ERI1: variants seen among roughly 807,000 people sequenced by gnomAD.
ERI1 encodes the protein 3'-5' exoribonuclease 1.
In ERI1, 39 loss-of-function variants were observed where a neutral mutation model predicts 39.7. The ratio of observed to expected loss-of-function variants is 0.98; its 90% CI spans 0.76 to 1.28. The LOEUF is 1.28. ERI1 is among the 50% of genes most tolerant of loss of function. ERI1 has a pLI of 0.00. For synonymous variants in ERI1, 204 were observed against 149.6 expected (o/e 1.36, Z -2.65); for missense variants, 581 against 416.9 (o/e 1.39, Z -3.43).
chr8:9,021,959 A>G (rs1817955144), intron 6 of ERI1, among the ~76,000 whole-genome samples: 1 of 151,886 alleles, frequency 6.6e-6, no homozygotes, highest in Non-Finnish European at 1.5e-5. Flanking sequence ...TTTTATAAGC[A>G]TTGTTGTGCA....
At chr8:9,015,216 T>G (rs975522022) in intron 3 of ERI1, among the ~76,000 whole-genome samples, 1 of 152,194 alleles carries the variant, frequency 6.6e-6, no homozygotes, top group African/African-American at 2.4e-5. Context: ...CTTAATAGAT[T>G]AGTAGGTAGA....
At chr8:9,047,984 A>C (rs945774018) in intron 3 of ERI1, among the ~76,000 whole-genome samples, 3 of 152,220 alleles carry the variant, frequency 2.0e-5, no homozygotes, top group African/African-American at 7.2e-5. Flanking sequence ...CAGCTGAGGA[A>C]ATGAAAGTCA....
At chr8:9,078,749 C>T (rs1563092525) in intron 3 of ERI1, among the ~76,000 whole-genome samples, 1 of 152,190 alleles carries the variant, frequency 6.6e-6, no homozygotes, top group African/African-American at 2.4e-5. Context: ...TTTGTTACAA[C>T]AAAGCCTTCC....
intron 3 of ERI1, among the ~76,000 whole-genome samples, chr8:9,086,628 G>A (rs1379517453): frequency 1.3e-5 from 2 of 152,130 alleles, no homozygotes; most frequent in Non-Finnish European, 2.9e-5. Flanking sequence ...AAATAAGTAA[G>A]GATGTGTTCA....
rs560943532 is a variant in ERI1, at chr8:9,020,212, C to T, written c.693-138C>T. Reference sequence around the variant, plus strand: ...TTTTGAATTAGTATTTTGTAGGAAGCAAGGTTAATTTTCTCAGCTTGATGT... The same window carrying T: ...TTTTGAATTAGTATTTTGTAGGAAGTAAGGTTAATTTTCTCAGCTTGATGT... On this transcript the variant is annotated intron_variant, in intron 5 of 6. Transcript: ENST00000250263. 108 of 486,760 alleles carry T rather than the reference C, an allele frequency of 2.2e-4. No homozygotes were observed. The South Asian group carries it at 4.2e-3, about 19-fold the overall frequency. The allele number at this position is 486,760 out of a possible 1,614,324, so 30.2% of individuals were successfully genotyped here.
intron 2 of ERI1, chr8:9,009,130 G>C: frequency 2.2e-6 from 1 of 455,278 alleles, no homozygotes; most frequent in Non-Finnish European, 4.4e-6. Flanking sequence ...GGGAGCTAGC[G>C]ATCTAGATGT....
chr8:9,003,203 G>T (rs1182265198), intron 1 of ERI1, 32 bp downstream of exon 1: 2 of 1,212,144 alleles, frequency 1.6e-6, no homozygotes, highest in Non-Finnish European at 2.1e-6. Flanking sequence ...GGCTGTTGGC[G>T]CCAGCTGCCC....
chr8:9,039,028 CAG>C (rs1388677859), intron 3 of ERI1, among the ~76,000 whole-genome samples: 1 of 152,074 alleles, frequency 6.6e-6, no homozygotes, highest in Admixed American at 6.6e-5. Flanking sequence ...TTGTTGAAAA[CAG>C]AATTTTTGAA....
chr8:9,054,061 A>T (rs552743782), intron 3 of ERI1, among the ~76,000 whole-genome samples: 1 of 149,452 alleles, frequency 6.7e-6, no homozygotes, highest in Non-Finnish European at 1.5e-5. Context: ...ACATTCACAT[A>T]TGAAGTTGAC....
chr8:9,003,285 A>T, intron 1 of ERI1, 114 bp downstream of exon 1: 1 of 583,740 alleles, frequency 1.7e-6, no homozygotes, highest in Non-Finnish European at 2.5e-6. Flanking sequence ...GCGCCCTTGG[A>T]CCCCAGCCTC....
At chr8:9,072,838 C>T (rs1030648351) in intron 3 of ERI1, among the ~76,000 whole-genome samples, 1 of 152,172 alleles carries the variant, frequency 6.6e-6, no homozygotes, top group African/African-American at 2.4e-5. Flanking sequence ...GGGTCAGCAC[C>T]GAGTGTGCTC....
intron 3 of ERI1, among the ~76,000 whole-genome samples, chr8:9,098,454 G>A (rs963736125): frequency 6.6e-6 from 1 of 152,194 alleles, no homozygotes; most frequent in African/African-American, 2.4e-5. Flanking sequence ...GGACGCAGAG[G>A]TTGCAGTGAG....
chr8:9,048,443 A>T (rs1220265740), intron 3 of ERI1: 1 of 154,396 alleles, frequency 6.5e-6, no homozygotes, highest in East Asian at 1.9e-4. Flanking sequence ...AAAGACAGCC[A>T]AACTCCTTCT....
chr8:9,094,442 C>T (rs141388043), intron 3 of ERI1, among the ~76,000 whole-genome samples: 8 of 152,186 alleles, frequency 5.3e-5, no homozygotes, highest in Non-Finnish European at 1.2e-4. Flanking sequence ...TTTCAATCCA[C>T]GTACCTCTTT....
intron 3 of ERI1, among the ~76,000 whole-genome samples, chr8:9,079,598 C>G (rs1799310965): frequency 6.6e-6 from 1 of 152,134 alleles, no homozygotes; most frequent in Non-Finnish European, 1.5e-5. Flanking sequence ...AATAGTTTAG[C>G]CGAAGTGAGG....
chr8:9,037,330 G>T (rs964662490), downstream of ERI1, among the ~76,000 whole-genome samples: 1 of 152,174 alleles, frequency 6.6e-6, no homozygotes, highest in Non-Finnish European at 1.5e-5. Context: ...TAGCCCATCA[G>T]TCTTATTCTC....
In ERI1 at chr8:9,073,276, G is replaced by A. The variant is rs183322920; in HGVS notation, n.300-43072G>A. ...CATAGTAGCATTAATCTGTCACATC[G>A]TCCCGAACATGCAAGACACTATTTG... On this transcript the variant is annotated intron_variant and non_coding_transcript_variant, in intron 3 of 3. Transcript: ENST00000518663. Among the ~76,000 whole-genome samples, 424 of 152,296 alleles carry A rather than the reference G, an allele frequency of 2.8e-3. 1 individual carries two copies. The highest frequency in any genetic ancestry group is 9.7e-3 in the African/African-American group (403 of 41,566).
At chr8:9,014,945 A>T (rs1039615914) in intron 3 of ERI1, among the ~76,000 whole-genome samples, 1 of 152,044 alleles carries the variant, frequency 6.6e-6, no homozygotes, top group Non-Finnish European at 1.5e-5. Context: ...TCAAGCGATT[A>T]TCCCACCTCA....
chr8:9,016,096 T>A (rs1817247961), intron 3 of ERI1, among the ~76,000 whole-genome samples: 1 of 152,218 alleles, frequency 6.6e-6, no homozygotes, highest in South Asian at 2.1e-4. Context: ...TTGAAATCTT[T>A]CACACACTCA....
Sources: allele counts gnomAD v4.1 joint callset (sites outside exome capture counted in the v4.1 genomes callset), GRCh38; gene constraint gnomAD v4.1.1; transcripts MANE v1.5; gene names NCBI Gene and HGNC (gene_info 2026-07-23, HGNC 2026-07-21).